The following RASGRF2 variants were observed in gnomAD, a reference collection of about 807,000 sequenced individuals.
RASGRF2 encodes the protein ras-specific guanine nucleotide-releasing factor 2.
RASGRF2 carries 76 observed loss-of-function variants against 151.0 expected under a neutral mutation model. The observed-to-expected ratio is 0.50, with a 90% CI of 0.42 to 0.61. The LOEUF (loss-of-function observed/expected upper bound fraction) is 0.61. RASGRF2 is among the 20% of genes least tolerant of loss of function. The probability of loss-of-function intolerance (pLI) is 0.00; values close to 1 mark genes in which losing one functional copy is unlikely to be tolerated. For missense variants in RASGRF2, 1,148 were observed against 1,564.6 expected, an observed-to-expected ratio of 0.73 and a Z score of 4.49; for synonymous variants, 504 against 566.5, an observed-to-expected ratio of 0.89 and a Z score of 1.57.
chr5:81,020,973 G>C (rs995166646), intron 1 of RASGRF2, among the ~76,000 whole-genome samples: 4 of 152,152 alleles, frequency 2.6e-5, no homozygotes, highest in African/African-American at 7.2e-5. Flanking sequence ...TTACCACCTG[G>C]AGGCATCAGG....
intron 26 of RASGRF2, among the ~76,000 whole-genome samples, chr5:81,223,650 A>G (rs975104579): frequency 6.6e-6 from 1 of 152,102 alleles, no homozygotes; most frequent in Admixed American, 6.6e-5. Flanking sequence ...CAGAAAAAAA[A>G]AAAAAATTCA....
At chr5:81,057,855 G>A (rs1369117646) in intron 2 of RASGRF2, among the ~76,000 whole-genome samples, 3 of 151,914 alleles carry the variant, frequency 2.0e-5, no homozygotes, top group African/African-American at 7.3e-5. Context: ...AATTAGCCAG[G>A]CCTGGTGGTA....
intron 2 of RASGRF2, among the ~76,000 whole-genome samples, chr5:81,047,622 A>G (rs34973): frequency 0.18 from 27,545 of 152,208 alleles, 2,618 homozygotes; most frequent in Admixed American, 0.26. Context: ...ACAAAAAGGA[A>G]TATGTTTCCA....
chr5:81,174,245 G>A (rs1754722906), intron 17 of RASGRF2, among the ~76,000 whole-genome samples: 1 of 152,200 alleles, frequency 6.6e-6, no homozygotes, highest in African/African-American at 2.4e-5. Context: ...TGGAAGAAAA[G>A]ACACATACAC....
chr5:81,224,957 C>T (rs1755941852), intron 26 of RASGRF2, among the ~76,000 whole-genome samples: 2 of 152,150 alleles, frequency 1.3e-5, no homozygotes, highest in African/African-American at 4.8e-5. Context: ...ATGTAAGTTA[C>T]ATGGTGTATA....
chr5:81,030,226 T>C (rs1275269427), intron 1 of RASGRF2, among the ~76,000 whole-genome samples: 1 of 152,162 alleles, frequency 6.6e-6, no homozygotes, highest in Non-Finnish European at 1.5e-5. Flanking sequence ...AAAACACTCT[T>C]CAGGGTATTA....
intron 17 of RASGRF2, among the ~76,000 whole-genome samples, chr5:81,149,517 G>C (rs951961147): frequency 6.6e-6 from 1 of 151,912 alleles, no homozygotes; most frequent in African/African-American, 2.4e-5. Flanking sequence ...GCTATATATT[G>C]GGTACATTGT....
chr5:80,995,102 A>G (rs984272020), intron 1 of RASGRF2, among the ~76,000 whole-genome samples: 3 of 152,176 alleles, frequency 2.0e-5, no homozygotes, highest in Middle Eastern at 3.4e-3. Context: ...TGAAAATACA[A>G]AAAATCACCC....
At chr5:81,221,126 G>T (rs962171306) in intron 26 of RASGRF2, among the ~76,000 whole-genome samples, 9 of 152,154 alleles carry the variant, frequency 5.9e-5, no homozygotes, top group Non-Finnish European at 1.0e-4. Flanking sequence ...TCTGACTGTT[G>T]ATGTTAGCTT....
chr5:81,194,967 G>T (rs917104630), intron 18 of RASGRF2, among the ~76,000 whole-genome samples: 1 of 152,240 alleles, frequency 6.6e-6, no homozygotes, highest in Non-Finnish European at 1.5e-5. Context: ...CCACCTTTGA[G>T]AGCAGGGCGG....
intron 22 of RASGRF2, among the ~76,000 whole-genome samples, chr5:81,209,681 C>T (rs1229140411): frequency 1.3e-5 from 2 of 152,124 alleles, no homozygotes; most frequent in African/African-American, 2.4e-5. Context: ...GGGAAGCAAA[C>T]CTCTGTTACC....
chr5:81,012,608 C>T (rs143559136), intron 1 of RASGRF2, among the ~76,000 whole-genome samples: 1 of 152,228 alleles, frequency 6.6e-6, no homozygotes, highest in East Asian at 1.9e-4. Context: ...CTGAGGCAGC[C>T]CACATTCAGT....
intron 19 of RASGRF2, among the ~76,000 whole-genome samples, chr5:81,204,758 AG>A (rs1242538703): frequency 2.0e-5 from 3 of 152,344 alleles, no homozygotes; most frequent in Admixed American, 2.0e-4. Context: ...GTCATAGAAA[AG>A]TCATCCTCAA....
chr5:81,170,341 A>G (rs1406488621), intron 17 of RASGRF2, among the ~76,000 whole-genome samples: 2 of 152,262 alleles, frequency 1.3e-5, no homozygotes, highest in African/African-American at 4.8e-5. Flanking sequence ...CTAAAATGTA[A>G]ATCAGACAAT....
At chr5:80,964,002 T>G (rs1239336405) in intron 1 of RASGRF2, among the ~76,000 whole-genome samples, 2 of 42,108 alleles carry the variant, frequency 4.7e-5, no homozygotes, top group Non-Finnish European at 8.5e-5. Context: ...AAAATCCGTT[T>G]TTTTTTTTTT....
chr5:81,155,215 C>G lies in RASGRF2; in HGVS notation c.2687-24960C>G, dbSNP rs145953010. 5.5e-4 allele frequency among the ~76,000 whole-genome samples: 84 copies of G among 152,152 alleles called. 1 individual carries two copies. The East Asian group carries it at 0.013, about 23-fold the overall frequency. On this transcript the variant is annotated intron_variant, in intron 17 of 26. Transcript: ENST00000265080. ...ATCTACATTAGAGAAGAAAAATGAT[C>G]TCGAATCAGTCATTTAAGTTTCCAC...
chr5:81,135,632 A>G (rs1027582484), intron 17 of RASGRF2, among the ~76,000 whole-genome samples: 5 of 152,204 alleles, frequency 3.3e-5, no homozygotes, highest in Non-Finnish European at 7.3e-5. Flanking sequence ...TTACTGTGGA[A>G]TAGTATTCTA....
intron 1 of RASGRF2, among the ~76,000 whole-genome samples, chr5:81,017,866 G>A (rs2112329593): frequency 6.6e-6 from 1 of 151,448 alleles, no homozygotes; most frequent in South Asian, 2.1e-4. Context: ...GGGAGGCCGA[G>A]GCAGGTGGAT....
intron 5 of RASGRF2, among the ~76,000 whole-genome samples, chr5:81,074,680 T>C (rs373469426): frequency 4.6e-5 from 7 of 152,210 alleles, no homozygotes; most frequent in African/African-American, 1.7e-4. Flanking sequence ...CTAAAGAGCA[T>C]TCTATTAAAA....
Sources: allele counts gnomAD v4.1 joint callset (sites outside exome capture counted in the v4.1 genomes callset), GRCh38; gene constraint gnomAD v4.1.1; transcripts MANE v1.5; gene names NCBI Gene and HGNC (gene_info 2026-07-23, HGNC 2026-07-21).